Variants in EIPR1 observed in about 807,000 individuals in gnomAD.
EIPR1 encodes the protein EARP complex and GARP complex interacting protein 1, also known as EARP and GARP complex-interacting protein 1.
In EIPR1, 25 loss-of-function variants were observed where a neutral mutation model predicts 48.1. The ratio of observed to expected loss-of-function variants is 0.52; its 90% confidence interval spans 0.38 to 0.73. EIPR1 has a LOEUF of 0.73. Among genes scored for constraint, EIPR1 ranks in the 30% least tolerant of loss-of-function variants. EIPR1 has a pLI of 0.00. For missense variants in EIPR1, 415 were observed against 506.2 expected (o/e 0.82, Z 1.73); for synonymous variants, 204 against 201.9 (o/e 1.01, Z -0.09).
intron 3 of EIPR1, among the ~76,000 whole-genome samples, chr2:3,309,717 G>A (rs548272923): frequency 6.6e-6 from 1 of 152,206 alleles, no homozygotes; most frequent in African/African-American, 2.4e-5. Context: ...ACCAGGACCA[G>A]GGTCACTGAC....
chr2:3,297,871 G>A (rs972382693), intron 3 of EIPR1, among the ~76,000 whole-genome samples: 2 of 152,174 alleles, frequency 1.3e-5, no homozygotes, highest in African/African-American at 4.8e-5. Flanking sequence ...ATCCAGGCTG[G>A]AGTGCAGTGG....
intron 1 of EIPR1, among the ~76,000 whole-genome samples, chr2:3,362,384 C>T (rs1670872246): frequency 6.8e-6 from 1 of 147,864 alleles, no homozygotes; most frequent in African/African-American, 2.5e-5. Context: ...CGCTCTCCAT[C>T]CCCACCCTCC....
chr2:3,196,529 A>G (rs1380915737), intron 6 of EIPR1, among the ~76,000 whole-genome samples: 1 of 152,236 alleles, frequency 6.6e-6, no homozygotes, highest in African/African-American at 2.4e-5. Flanking sequence ...TGGGGACTGC[A>G]GCTGTCAGCC....
At chr2:3,304,243 G>A (rs529615237) in intron 3 of EIPR1, among the ~76,000 whole-genome samples, 3 of 152,304 alleles carry the variant, frequency 2.0e-5, no homozygotes, top group South Asian at 2.1e-4. Context: ...GTGGTCTGGC[G>A]AGATCGGAGT....
At chr2:3,375,575 T>C (rs1659848451) in intron 1 of EIPR1, among the ~76,000 whole-genome samples, 2 of 152,184 alleles carry the variant, frequency 1.3e-5, no homozygotes, top group Non-Finnish European at 2.9e-5. Flanking sequence ...TCTACCCATG[T>C]GGTCTCTCCC....
chr2:3,203,527 A>T (rs1423828113), intron 5 of EIPR1, among the ~76,000 whole-genome samples: 3 of 152,260 alleles, frequency 2.0e-5, no homozygotes, highest in Non-Finnish European at 4.4e-5. Context: ...GAGAGCCCGC[A>T]GTCGGGGCGC....
In EIPR1 at chr2:3,332,129, T is replaced by A. The variant is rs546764175; in HGVS notation, c.259+5888A>T. Reference sequence around the variant, plus strand: ...TGTCAGCAGAGGCAGGCCCACGTGGTGTACCCTAATTCAGAAACATACATT... The same window carrying A: ...TGTCAGCAGAGGCAGGCCCACGTGGAGTACCCTAATTCAGAAACATACATT... On this transcript the variant is annotated intron_variant, in intron 3 of 8. Coordinates refer to ENST00000382125, the MANE Select transcript of EIPR1 (RefSeq NM_003310.5). Among the ~76,000 whole-genome samples the A allele has an allele frequency of 2.6e-5, 4 of 152,270 alleles. No individual in the cohort carries two copies. The East Asian group carries it at 7.7e-4, about 29-fold the overall frequency.
At chr2:3,220,402 GT>G (rs1271546467) in intron 4 of EIPR1, among the ~76,000 whole-genome samples, 3 of 151,654 alleles carry the variant, frequency 2.0e-5, no homozygotes, top group African/African-American at 7.3e-5. Context: ...AATGGCTGTA[GT>G]ACATTCTAGA....
chr2:3,291,374 G>C (rs1227759452), intron 3 of EIPR1, among the ~76,000 whole-genome samples: 2 of 152,068 alleles, frequency 1.3e-5, no homozygotes, highest in African/African-American at 2.4e-5. Context: ...CGGGCTGCAT[G>C]CACAGTTCTG....
chr2:3,221,828 A>G lies in EIPR1; in HGVS notation c.417-7580T>C, dbSNP rs141066488. Among the ~76,000 whole-genome samples the G allele has an allele frequency of 5.1e-3, 769 of 149,434 alleles. 4 individuals are homozygous for G. Among genetic ancestry groups the G allele is most frequent in the Middle Eastern group, 0.014 (4 of 292 alleles). ...CAGTCAGTTGAGGACACAAGCCCAC[A>G]ATGGCCGAGATACACTCTAGAGCAT... On this transcript the variant is annotated intron_variant, in intron 4 of 8. Transcript: ENST00000382125.
chr2:3,269,515 A>ATCATCG (rs1667622594), intron 3 of EIPR1, among the ~76,000 whole-genome samples: 8 of 25,468 alleles, frequency 3.1e-4, no homozygotes, highest in Admixed American at 5.1e-4. Flanking sequence ...AATCATCATC[A>ATCATCG]CACTCAATCA....
intron 4 of EIPR1, among the ~76,000 whole-genome samples, chr2:3,246,482 C>G (rs2103197207): frequency 6.6e-6 from 1 of 152,244 alleles, no homozygotes; most frequent in Non-Finnish European, 1.5e-5. Context: ...AACACGTACA[C>G]CCTGCTTTCC....
chr2:3,266,365 G>C (rs1667488143), intron 3 of EIPR1, among the ~76,000 whole-genome samples: 1 of 152,224 alleles, frequency 6.6e-6, no homozygotes, highest in Admixed American at 6.5e-5. Flanking sequence ...GCCTCACTGG[G>C]CGCTCACCTG....
intron 5 of EIPR1, chr2:3,208,727 G>A: frequency 6.5e-7 from 1 of 1,548,558 alleles, no homozygotes; most frequent in Non-Finnish European, 8.7e-7. Flanking sequence ...CCATGCGTGA[G>A]GCTCGTGGCG....
intron 3 of EIPR1, among the ~76,000 whole-genome samples, chr2:3,323,679 T>C (rs1234674714): frequency 6.6e-6 from 1 of 152,166 alleles, no homozygotes. Context: ...CTGGGAGCTA[T>C]GGTGGCAAGA....
chr2:3,335,208 G>A lies in EIPR1; in HGVS notation c.259+2809C>T, dbSNP rs75993671. ...GCTACAGCCAGTACACACTGTTGAA[G>A]AGGCATGCGCTGTTGGAAGCCGCTG... is the stretch of plus-strand genomic sequence containing the variant. On this transcript the variant is annotated intron_variant, in intron 3 of 8. Coordinates refer to ENST00000382125, the MANE Select transcript of EIPR1 (RefSeq NM_003310.5). Among the ~76,000 whole-genome samples, 760 of 152,294 alleles carry A rather than the reference G, an allele frequency of 5.0e-3. 14 individuals are homozygous for A. The East Asian group carries it at 0.064, about 13-fold the overall frequency.
At chr2:3,272,873 C>T (rs979992263) in intron 3 of EIPR1, among the ~76,000 whole-genome samples, 1 of 152,178 alleles carries the variant, frequency 6.6e-6, no homozygotes, top group African/African-American at 2.4e-5. Context: ...AAGCCCAGTG[C>T]AATACGATGA....
Position 3,349,564 on chromosome 2 carries a change from AGACAGGGACAGG to A in EIPR1, c.126+4974_126+4985del, listed in dbSNP as rs148938779. ...AGACCAGGACAGGGAGGATGCTGCCAGACAGGGACAGGGACAGGGAGCATGCCAGGAGACGGG... is the reference window on the plus strand; with the variant it reads ...AGACCAGGACAGGGAGGATGCTGCCAGACAGGGAGCATGCCAGGAGACGGG... On this transcript the variant is annotated intron_variant, in intron 2 of 8. Coordinates refer to ENST00000382125, the MANE Select transcript of EIPR1 (RefSeq NM_003310.5). Among the ~76,000 whole-genome samples the A allele has an allele frequency of 3.3e-3, 508 of 152,296 alleles. 5 individuals carry two copies. Among genetic ancestry groups the A allele is most frequent in the African/African-American group, 0.012 (488 of 41,556 alleles).
intron 3 of EIPR1, among the ~76,000 whole-genome samples, chr2:3,288,540 G>C (rs1668275158): frequency 6.6e-6 from 1 of 152,220 alleles, no homozygotes; most frequent in Non-Finnish European, 1.5e-5. Context: ...AGGAAGAAAA[G>C]CACTTCTGAG....
Sources: gnomAD v4.1 joint callset for allele counts (sites outside exome capture counted in the v4.1 genomes callset) on GRCh38, gnomAD v4.1.1 for gene constraint, MANE v1.5 for transcripts, NCBI Gene and HGNC (gene_info 2026-07-23, HGNC 2026-07-21) for gene names.